The following SLC14A2 variants were observed in gnomAD, a reference collection of about 807,000 sequenced individuals.
SLC14A2 encodes solute carrier family 14 member 2.
SLC14A2 carries 91 observed loss-of-function variants against 104.6 expected under a neutral mutation model. That is an observed-to-expected ratio of 0.87 (90% CI 0.73 to 1.04). The LOEUF (loss-of-function observed/expected upper bound fraction) is 1.04, where lower values mean the gene tolerates loss of function less well. Among genes scored for constraint, SLC14A2 ranks in the 50% least tolerant of loss-of-function variants. The pLI, the probability that SLC14A2 is intolerant of heterozygous loss-of-function variation, is 0.00. For synonymous variants in SLC14A2, 476 were observed against 466.4 expected (o/e 1.02, Z -0.27); for missense variants, 1,189 against 1,156.0 (o/e 1.03, Z -0.41).
chr18:45,667,090 T>A lies in SLC14A2; in HGVS notation c.1713T>A (p.Leu571=). Reference sequence around the variant, plus strand: ...AGATGAAGGAGTGTGGAGAGGGACTTAAAGGTAAAATTCTATGAGAACAAC... The same window carrying A: ...AGATGAAGGAGTGTGGAGAGGGACTAAAAGGTAAAATTCTATGAGAACAAC... ...TGEMKECGEG[L]KDKSPVFQFF... Residue 571 remains leucine, a synonymous_variant, in exon 13 of 20, where the codon CTT becomes CTA. Coordinates refer to ENST00000255226, the MANE Select transcript of SLC14A2 (RefSeq NM_007163.4). The A allele has an allele frequency of 6.2e-7, 1 of 1,612,764 alleles. No individual in the cohort carries two copies. Among genetic ancestry groups the A allele is most frequent in the Non-Finnish European group, 8.5e-7 (1 of 1,179,326 alleles).
chr18:45,171,404 G>A, the SLC14A2 span, among the ~76,000 whole-genome samples: 1 of 151,972 alleles, frequency 6.6e-6, no homozygotes, highest in Non-Finnish European at 1.5e-5. Flanking sequence ...GCAAAGGGAG[G>A]GTAAGTAAAA....
chr18:45,618,666 T>A (rs936149242), intron 1 of SLC14A2, among the ~76,000 whole-genome samples: 2 of 83,944 alleles, frequency 2.4e-5, no homozygotes, highest in Admixed American at 3.4e-4. Flanking sequence ...CGAAACTCTG[T>A]CTCAAAAAAA....
chr18:45,550,302 C>T (rs1180337815), intron 2 of SLC14A2: 1 of 152,214 alleles, frequency 6.6e-6, no homozygotes, highest in Admixed American at 6.5e-5. Flanking sequence ...TTGCCCTAGC[C>T]ACACAGAACC....
chr18:45,266,873 G>C (rs899463473), intron 1 of SLC14A2, among the ~76,000 whole-genome samples: 2 of 152,132 alleles, frequency 1.3e-5, no homozygotes, highest in Non-Finnish European at 2.9e-5. Flanking sequence ...ACAACTACCA[G>C]CCTAACATCC....
intron 1 of SLC14A2, among the ~76,000 whole-genome samples, chr18:45,350,626 C>T (rs1251095616): frequency 6.6e-6 from 1 of 152,102 alleles, no homozygotes; most frequent in Non-Finnish European, 1.5e-5. Context: ...TCTCGGGATG[C>T]GGTAATGCCG....
intron 1 of SLC14A2, among the ~76,000 whole-genome samples, chr18:45,312,395 G>C (rs2085088023): frequency 6.7e-6 from 1 of 149,912 alleles, no homozygotes; most frequent in South Asian, 2.1e-4. Context: ...AAAAAAAAAA[G>C]CCTGCTTTTT....
At chr18:45,526,163 G>A (rs1598961509) in intron 2 of SLC14A2, among the ~76,000 whole-genome samples, 1 of 152,172 alleles carries the variant, frequency 6.6e-6, no homozygotes, top group South Asian at 2.1e-4. Flanking sequence ...AAAGTCTTTA[G>A]TGCAGCGTAT....
At chr18:45,407,440 C>T (rs2086167466) in intron 1 of SLC14A2, among the ~76,000 whole-genome samples, 2 of 152,206 alleles carry the variant, frequency 1.3e-5, no homozygotes, top group South Asian at 4.1e-4. Flanking sequence ...ATCTAGACCT[C>T]TCAAACTTTC....
intron 1 of SLC14A2, among the ~76,000 whole-genome samples, chr18:45,326,536 A>G (rs2085236365): frequency 6.6e-6 from 1 of 152,330 alleles, no homozygotes. Flanking sequence ...TGCCCCTTCA[A>G]CCATTCCTTT....
intron 1 of SLC14A2, among the ~76,000 whole-genome samples, chr18:45,332,518 T>C (rs560583606): frequency 1.3e-3 from 196 of 152,290 alleles, no homozygotes; most frequent in Middle Eastern, 3.4e-3. Context: ...TACTAAGGAA[T>C]GACTGTATAT....
intron 1 of SLC14A2, among the ~76,000 whole-genome samples, chr18:45,287,578 G>A (rs955558561): frequency 9.2e-5 from 14 of 152,182 alleles, no homozygotes; most frequent in African/African-American, 3.4e-4. Flanking sequence ...CTGACACTAT[G>A]AAAATTCTGT....
At chr18:45,203,847 T>G in the SLC14A2 span, among the ~76,000 whole-genome samples, 1 of 152,228 alleles carries the variant, frequency 6.6e-6, no homozygotes, top group Non-Finnish European at 1.5e-5. Context: ...TATGCAGTCT[T>G]GCCTACAGTA....
Position 45,531,916 on chromosome 18 carries a change from T to C in SLC14A2, c.-35+48594T>C, listed in dbSNP as rs1261901286. On this transcript the variant is annotated intron_variant, in intron 2 of 20. Transcript: ENST00000586448. The stretch of plus-strand genomic sequence containing the variant: ...AGGGATCCAGTTTCAGCTTTCTACA[T>C]ATGGCTAGCCAGTTTTCCCAGCACC... Among the ~76,000 whole-genome samples, 9 of 152,366 alleles carry C rather than the reference T, an allele frequency of 5.9e-5. No individual in the cohort carries two copies. The East Asian group carries it at 1.3e-3, about 23-fold the overall frequency.
chr18:45,355,698 C>CT (rs2085547027), intron 1 of SLC14A2, among the ~76,000 whole-genome samples: 1 of 151,392 alleles, frequency 6.6e-6, no homozygotes, highest in African/African-American at 2.4e-5. Flanking sequence ...AGTCAGGCTA[C>CT]ATAAGGCTTA....
At chr18:45,556,205 C>T (rs1047243810) in intron 2 of SLC14A2, among the ~76,000 whole-genome samples, 1 of 152,186 alleles carries the variant, frequency 6.6e-6, no homozygotes, top group Non-Finnish European at 1.5e-5. Context: ...TCCTTCGTTA[C>T]TGAATCACCT....
At chr18:45,478,480 T>C (rs2087427834) in intron 1 of SLC14A2, among the ~76,000 whole-genome samples, 1 of 152,230 alleles carries the variant, frequency 6.6e-6, no homozygotes, top group African/African-American at 2.4e-5. Flanking sequence ...CAGTTTCCTT[T>C]AGCTTGATGG....
At chr18:45,279,575 A>C (rs1363106773) in intron 1 of SLC14A2, among the ~76,000 whole-genome samples, 1 of 152,116 alleles carries the variant, frequency 6.6e-6, no homozygotes, top group African/African-American at 2.4e-5. Flanking sequence ...GTTTACTTCC[A>C]TCTCATGCCT....
At chr18:45,665,688 C>CTTTCTTTTTTTTT (rs371437384) in intron 11 of SLC14A2, among the ~76,000 whole-genome samples, 3 of 79,296 alleles carry the variant, frequency 3.8e-5, no homozygotes, top group African/African-American at 1.7e-4. Context: ...AACCAAGTTT[C>CTTTCTTTTTTTTT]TTTTTTTTTT....
In SLC14A2 at chr18:45,414,758, ATATATATATATATATATAT is replaced by A. The variant is rs1292283750; in HGVS notation, c.-124-68474_-124-68456del. 2.6e-4 allele frequency among the ~76,000 whole-genome samples: 13 copies of A among 50,084 alleles called. No individual in the cohort carries two copies. The East Asian group carries it at 5.1e-3, about 20-fold the overall frequency. The allele number at this position is 50,084 out of a possible 152,430, so 32.9% of individuals were successfully genotyped here. On this transcript the variant is annotated intron_variant, in intron 1 of 20. Coordinates refer to the SLC14A2 transcript ENST00000586448. ...GGCACCGAGCGTAAAAAAAAAAAAA[ATATATATATATATATATAT>A]ATATATATATATATATATAGAAAAG...
Sources: gnomAD v4.1 joint callset for allele counts (sites outside exome capture counted in the v4.1 genomes callset) on GRCh38, gnomAD v4.1.1 for gene constraint, MANE v1.5 for transcripts, NCBI Gene and HGNC (gene_info 2026-07-23, HGNC 2026-07-21) for gene names.